The following ELAVL2 variants were observed in gnomAD, a reference collection of about 807,000 sequenced individuals.
The protein encoded by ELAVL2 is ELAV-like protein 2.
In ELAVL2, 4 loss-of-function variants were observed where a neutral mutation model predicts 34.6. That is an observed-to-expected ratio of 0.12 (90% CI 0.06 to 0.26). The LOEUF (loss-of-function observed/expected upper bound fraction) is 0.26, where lower values mean the gene tolerates loss of function less well. ELAVL2 is among the 10% of genes least tolerant of loss of function. ELAVL2 has a pLI of 1.00. For synonymous variants in ELAVL2, 193 were observed against 154.8 expected (o/e 1.25, Z -1.83); for missense variants, 432 against 442.8 (o/e 0.98, Z 0.22).
Position 23,699,832 on chromosome 9 carries a change from T to A in ELAVL2, c.713+1547A>T, listed in dbSNP as rs1315126514. Among the ~76,000 whole-genome samples the A allele has an allele frequency of 2.3e-4, 20 of 85,380 alleles. 1 individual carries two copies. Among genetic ancestry groups the A allele is most frequent in the African/African-American group, 1.1e-3 (20 of 18,584 alleles). The allele number at this position is 85,380 out of a possible 152,430, so 56.0% of individuals were successfully genotyped here. A position where few individuals can be genotyped will look rare whatever the true frequency, so the allele number is the denominator to read the frequency against. On this transcript the variant is annotated intron_variant, in intron 5 of 6. Coordinates refer to ENST00000397312, the MANE Select transcript of ELAVL2 (RefSeq NM_004432.5). The stretch of plus-strand genomic sequence containing the variant: ...CAAAGGTTTTTTTTTTTTTTTTTTT[T>A]TTTTTTTTTTTTTTTTTTTTAATAC...
intron 2 of ELAVL2, among the ~76,000 whole-genome samples, chr9:23,740,591 A>G (rs1376685820): frequency 1.2e-4 from 18 of 152,170 alleles, no homozygotes. Flanking sequence ...TTGTCATGAA[A>G]TAAATTGACT....
At chr9:23,740,056 T>C (rs2048802446) in intron 2 of ELAVL2, among the ~76,000 whole-genome samples, 1 of 151,944 alleles carries the variant, frequency 6.6e-6, no homozygotes, top group Non-Finnish European at 1.5e-5. Flanking sequence ...AGAGATAAAT[T>C]TTCTTCTTGA....
In ELAVL2 at chr9:23,762,709, C is replaced by A. The variant is rs567032537; in HGVS notation, c.-15-460G>T. ...CAGTTATCCTAAGAGGTTCAATATT[C>A]TAAAACTGACAGATAGCCATTAACT... On this transcript the variant is annotated intron_variant, in intron 1 of 6. Coordinates refer to ENST00000397312, the MANE Select transcript of ELAVL2 (RefSeq NM_004432.5). Among the ~76,000 whole-genome samples, 263 of 152,198 alleles carry A rather than the reference C, an allele frequency of 1.7e-3. 1 individual carries two copies. The highest frequency in any genetic ancestry group is 5.5e-3 in the African/African-American group (230 of 41,552).
chr9:23,761,982 A>C (rs781401314), intron 2 of ELAVL2, 24 bp downstream of exon 2: 17 of 1,592,974 alleles, frequency 1.1e-5, no homozygotes, highest in Non-Finnish European at 1.4e-5. Context: ...GTTAAATATA[A>C]ATCATCTACA....
Position 23,783,462 on chromosome 9 carries a change from T to C in ELAVL2, c.-15-21213A>G, listed in dbSNP as rs1439481576. On this transcript the variant is annotated intron_variant, in intron 1 of 6. Coordinates refer to ENST00000397312, the MANE Select transcript of ELAVL2 (RefSeq NM_004432.5). ...ATTCTGCACAACTACAAAGTGGCCA[T>C]GCACTAACCTGAAAACAACGAGGTT... The C allele has an allele frequency of 7.1e-6, 7 of 985,396 alleles. No homozygotes were observed. The East Asian group carries it at 4.5e-4, about 64-fold the overall frequency. The allele number at this position is 985,396 out of a possible 1,614,324, so 61.0% of individuals were successfully genotyped here. A position where few individuals can be genotyped will look rare whatever the true frequency, so the allele number is the denominator to read the frequency against.
At chr9:23,716,067 T>A (rs10966040) in intron 3 of ELAVL2, among the ~76,000 whole-genome samples, 34,495 of 151,272 alleles carry the variant, frequency 0.23, 4,057 homozygotes, top group Non-Finnish European at 0.24. Context: ...TTTACTTAAA[T>A]CTTTGTTTTT....
At chr9:23,766,912 A>G (rs569346032) in intron 1 of ELAVL2, among the ~76,000 whole-genome samples, 10 of 152,288 alleles carry the variant, frequency 6.6e-5, no homozygotes, top group Non-Finnish European at 1.5e-4. Flanking sequence ...AAAAAAGGCC[A>G]TATTCCAGTG....
chr9:23,788,542 T>C (rs56343736), intron 1 of ELAVL2, among the ~76,000 whole-genome samples: 26,552 of 152,154 alleles, frequency 0.17, 2,765 homozygotes, highest in South Asian at 0.28. Flanking sequence ...AACTAAGAAC[T>C]GCTGTAACAG....
At position 23,704,952 on chromosome 9, in the gene ELAVL2, A is replaced by G. The variant is rs1334577147; in HGVS notation, c.453T>C (p.Ile151=). ...LEQLFSQYGR[I]ITSRILVDQV... ...GGTCGACAAGAATACGAGAAGTAAT[A>G]ATGCGTCCATATTGTGAAAAAAGCT... The change falls in exon 4 of 7, where the codon ATT becomes ATC. Residue 151 remains isoleucine, a synonymous_variant. Coordinates refer to ENST00000397312, the MANE Select transcript of ELAVL2 (RefSeq NM_004432.5). 2 of 1,614,126 alleles carry G rather than the reference A, an allele frequency of 1.2e-6. No individual in the cohort carries two copies. The highest frequency in any genetic ancestry group is 1.1e-5 in the South Asian group (1 of 91,088).
Position 23,692,411 on chromosome 9 carries a change from C to A in ELAVL2, c.*146G>T. 3.7e-6 allele frequency: 3 copies of A among 801,660 alleles called. No homozygotes were observed. The highest frequency in any genetic ancestry group is 4.5e-5 in the South Asian group (2 of 44,800). The allele number at this position is 801,660 out of a possible 1,614,324, so 49.7% of individuals were successfully genotyped here. A position where few individuals can be genotyped will look rare whatever the true frequency, so the allele number is the denominator to read the frequency against. On this transcript the variant is annotated 3_prime_UTR_variant, in exon 7 of 7. Transcript: ENST00000397312. ...AATTCAAATACTAGCAATAAAAAAT[C>A]TCACATATTTCTTAGGATGCTAAGT... is the stretch of plus-strand genomic sequence containing the variant.
chr9:23,796,717 G>T (rs2060975649), intron 1 of ELAVL2, among the ~76,000 whole-genome samples: 1 of 152,136 alleles, frequency 6.6e-6, no homozygotes, highest in African/African-American at 2.4e-5. Flanking sequence ...TGCACAAGAA[G>T]ATATTTAATT....
At chr9:23,742,730 T>C (rs189799992) in intron 2 of ELAVL2, among the ~76,000 whole-genome samples, 1 of 152,196 alleles carries the variant, frequency 6.6e-6, no homozygotes, top group East Asian at 1.9e-4. Flanking sequence ...AGGACATCCA[T>C]CGTCCCCAGT....
chr9:23,692,823 G>C lies in ELAVL2; in HGVS notation c.814C>G (p.Pro272Ala). The C allele has an allele frequency of 1.2e-6, 2 of 1,614,104 alleles. No homozygotes were observed. The highest frequency in any genetic ancestry group is 2.2e-5 in the East Asian group (1 of 44,868). ...SLAGINIPGH[P>A]GTGWCIFVYN... ...ACAAATATACACCACCCTGTTCCAG[G>C]GTGCCCAGGGATATTAATTCCAGCC... The change falls in exon 7 of 7, where the codon CCT (proline) becomes GCT (alanine). Residue 272 changes from proline to alanine, a missense_variant. By Grantham distance (27) the Pro-to-Ala change is conservative. Coordinates refer to ENST00000397312, the MANE Select transcript of ELAVL2 (RefSeq NM_004432.5).
intron 3 of ELAVL2, among the ~76,000 whole-genome samples, chr9:23,712,542 A>T (rs1327579173): frequency 6.6e-6 from 1 of 152,182 alleles, no homozygotes; most frequent in African/African-American, 2.4e-5. Flanking sequence ...AAATCTAATT[A>T]TTTGGGAGTT....
At chr9:23,798,273 T>A (rs1024161311) in intron 1 of ELAVL2, among the ~76,000 whole-genome samples, 8 of 152,208 alleles carry the variant, frequency 5.3e-5, no homozygotes, top group Non-Finnish European at 7.3e-5. Context: ...TTTATTTGAT[T>A]AAATAATTTA....
chr9:23,717,555 T>C (rs958998485), intron 3 of ELAVL2, among the ~76,000 whole-genome samples: 6 of 152,320 alleles, frequency 3.9e-5, no homozygotes, highest in Middle Eastern at 3.4e-3. Context: ...TGAAGGCCTC[T>C]GTGCTTTTGA....
At chr9:23,703,774 G>A (rs761870873) in intron 4 of ELAVL2, among the ~76,000 whole-genome samples, 1 of 152,044 alleles carries the variant, frequency 6.6e-6, no homozygotes, top group Non-Finnish European at 1.5e-5. Flanking sequence ...AAACAGTGAG[G>A]AGAAAAGCTA....
chr9:23,717,946 CA>C (rs1422635820), intron 3 of ELAVL2, among the ~76,000 whole-genome samples: 1 of 152,144 alleles, frequency 6.6e-6, no homozygotes. Context: ...AAACAACTTG[CA>C]ATTAAATACT....
intron 2 of ELAVL2, among the ~76,000 whole-genome samples, chr9:23,732,604 C>A (rs1040800872): frequency 4.6e-5 from 7 of 152,096 alleles, no homozygotes; most frequent in African/African-American, 1.7e-4. Flanking sequence ...TGCATTGTGC[C>A]CCTCTTATGA....
Sources: gnomAD v4.1 joint callset for allele counts (sites outside exome capture counted in the v4.1 genomes callset) on GRCh38, gnomAD v4.1.1 for gene constraint, MANE v1.5 for transcripts, NCBI Gene and HGNC (gene_info 2026-07-23, HGNC 2026-07-21) for gene names.